Variants in MOB1B observed in about 807,000 individuals in gnomAD.
The protein encoded by MOB1B is MOB kinase activator 1B, also known as MOB1 Mps One Binder homolog B.
Under a neutral mutation model 24.4 loss-of-function variants are expected in MOB1B, and 19 were observed. The ratio of observed to expected loss-of-function variants is 0.78; its 90% CI spans 0.54 to 1.14. The LOEUF is 1.14. MOB1B is among the 50% of genes most tolerant of loss of function. The probability of loss-of-function intolerance (pLI) is 0.00; values close to 1 mark genes in which losing one functional copy is unlikely to be tolerated. For synonymous variants in MOB1B, 76 were observed against 82.1 expected (o/e 0.93, Z 0.40); for missense variants, 243 against 259.6 (o/e 0.94, Z 0.44).
At chr4:70,903,515 T>C (rs1735606129) in intron 1 of MOB1B, among the ~76,000 whole-genome samples, 1 of 152,208 alleles carries the variant, frequency 6.6e-6, no homozygotes, top group African/African-American at 2.4e-5. Flanking sequence ...AAGGCTTCGT[T>C]GTGATGCACT....
chr4:70,971,907 T>TTCCTTCTTTCCCTTCCTTTCTCCC lies in MOB1B; in HGVS notation c.275+1894_275+1917dup, dbSNP rs1490938673. On this transcript the variant is annotated intron_variant, in intron 3 of 5. Transcript: ENST00000309395. ...TGCTTCCCTCTCTTTCTCTTCTTTC[T>TTCCTTCTTTCCCTTCCTTTCTCCC]TCCTTCTTTCCCTTCCTTTCTCCCT... Among the ~76,000 whole-genome samples the TTCCTTCTTTCCCTTCCTTTCTCCC allele has an allele frequency of 1.8e-4, 28 of 151,958 alleles. No homozygotes were observed. The South Asian group carries it at 3.7e-3, about 20-fold the overall frequency.
intron 1 of MOB1B, among the ~76,000 whole-genome samples, chr4:70,929,314 GA>G (rs777571189): frequency 1.6e-3 from 245 of 151,466 alleles, no homozygotes; most frequent in Non-Finnish European, 2.3e-3. Context: ...AAGTAACTGG[GA>G]TTACAAGTGT....
At chr4:70,911,065 C>T (rs886189316) in intron 1 of MOB1B, among the ~76,000 whole-genome samples, 4 of 152,142 alleles carry the variant, frequency 2.6e-5, no homozygotes, top group Non-Finnish European at 5.9e-5. Flanking sequence ...GGATTACAGG[C>T]GTGAGCCACC....
At chr4:70,936,199 G>A (rs1321387812) in intron 1 of MOB1B, among the ~76,000 whole-genome samples, 2 of 151,606 alleles carry the variant, frequency 1.3e-5, no homozygotes, top group Non-Finnish European at 2.9e-5. Flanking sequence ...TTGCCATGTT[G>A]GCCAGGCTGT....
At chr4:70,975,404 A>G in intron 4 of MOB1B, 118 bp downstream of exon 4, 4 of 1,467,496 alleles carry the variant, frequency 2.7e-6, no homozygotes, top group Non-Finnish European at 3.6e-6. Context: ...GTGTTGATAT[A>G]TGTATATGTT....
intron 1 of MOB1B, among the ~76,000 whole-genome samples, chr4:70,921,621 G>T (rs1736443660): frequency 1.3e-5 from 2 of 151,204 alleles, no homozygotes; most frequent in South Asian, 2.1e-4. Flanking sequence ...CAATTCTCTT[G>T]CCTCAGGCTC....
rs1047034297 is a variant in MOB1B, at chr4:70,987,422, A to G, written c.*5365A>G. The G allele has an allele frequency of 3.9e-5, 6 of 152,086 alleles. No homozygotes were observed. The highest frequency in any genetic ancestry group is 2.1e-4 in the South Asian group (1 of 4,830). 9.4% of individuals were successfully genotyped at this position (152,086 alleles called of 1,614,324 possible). ...AAATACTTAATTGTGCAGGTTGTAAAAAAGATTAGTGCATTTTCATTTTAA... is the reference window on the plus strand; with the variant it reads ...AAATACTTAATTGTGCAGGTTGTAAGAAAGATTAGTGCATTTTCATTTTAA... On this transcript the variant is annotated 3_prime_UTR_variant, in exon 6 of 6. Coordinates refer to ENST00000309395, the MANE Select transcript of MOB1B (RefSeq NM_173468.4).
rs919268216 is a variant in MOB1B at position 70,984,976 on chromosome 4, C to T, written c.*2919C>T. ...TAGTCATTTGTAAATTCTAAATGGT[C>T]ACCATAAAATGTATTAGGTAGGAGA... On this transcript the variant is annotated 3_prime_UTR_variant, in exon 6 of 6. Transcript: ENST00000309395. 1.3e-5 allele frequency: 2 copies of T among 152,056 alleles called. No individual in the cohort carries two copies. The highest frequency in any genetic ancestry group is 2.9e-5 in the Non-Finnish European group (2 of 68,000). 9.4% of individuals were successfully genotyped at this position (152,056 alleles called of 1,614,324 possible). A position where few individuals can be genotyped will look rare whatever the true frequency, so the allele number is the denominator to read the frequency against.
At chr4:70,927,828 A>C (rs954171291) in intron 1 of MOB1B, among the ~76,000 whole-genome samples, 1 of 152,122 alleles carries the variant, frequency 6.6e-6, no homozygotes, top group African/African-American at 2.4e-5. Flanking sequence ...ATGGGCTGGA[A>C]GTGGTCTGCA....
In MOB1B at chr4:70,984,943, C is replaced by T. The variant is rs1039958687; in HGVS notation, c.*2886C>T. On this transcript the variant is annotated 3_prime_UTR_variant, in exon 6 of 6. Coordinates refer to ENST00000309395, the MANE Select transcript of MOB1B (RefSeq NM_173468.4). ...TTTAATTGCAGTCTCTTTCTACCTTCCCTCTGTTAGTCATTTGTAAATTCT... is the reference window on the plus strand; with the variant it reads ...TTTAATTGCAGTCTCTTTCTACCTTTCCTCTGTTAGTCATTTGTAAATTCT... 1 of 152,104 alleles carries T rather than the reference C, an allele frequency of 6.6e-6. No individual in the cohort carries two copies. The highest frequency in any genetic ancestry group is 1.5e-5 in the Non-Finnish European group (1 of 68,004). The allele number at this position is 152,104 out of a possible 1,614,324, so 9.4% of individuals were successfully genotyped here.
At chr4:70,975,095 A>G in intron 3 of MOB1B, 58 bp from the exon 4 acceptor site, 1 of 1,286,806 alleles carries the variant, frequency 7.8e-7, no homozygotes, top group Non-Finnish European at 1.0e-6. Flanking sequence ...CATAAAATAT[A>G]TACACTGTGT....
At chr4:70,975,549 T>G (rs1289505154) in intron 4 of MOB1B, 9 of 1,099,302 alleles carry the variant, frequency 8.2e-6, no homozygotes, top group Non-Finnish European at 1.0e-5. Flanking sequence ...ATAGGTTTAT[T>G]AGAAAATAAA....
chr4:70,960,626 A>T (rs1738266482), intron 2 of MOB1B, among the ~76,000 whole-genome samples: 2 of 152,170 alleles, frequency 1.3e-5, no homozygotes, highest in Non-Finnish European at 2.9e-5. Context: ...GCATTTACAC[A>T]AGAGCCATGT....
At chr4:70,902,647 C>T in intron 1 of MOB1B, 97 bp downstream of exon 1, 9 of 1,194,614 alleles carry the variant, frequency 7.5e-6, no homozygotes, top group Non-Finnish European at 8.9e-6. Context: ...TCCCGACCCT[C>T]CTGGCCCAGC....
At chr4:70,966,984 TA>T (rs1197534550) in intron 2 of MOB1B, among the ~76,000 whole-genome samples, 1 of 152,128 alleles carries the variant, frequency 6.6e-6, no homozygotes, top group Non-Finnish European at 1.5e-5. Flanking sequence ...AAATCCATAA[TA>T]AAAGGGTTAT....
At chr4:70,905,273 C>T (rs1398559822) in intron 1 of MOB1B, among the ~76,000 whole-genome samples, 1 of 151,486 alleles carries the variant, frequency 6.6e-6, no homozygotes, top group African/African-American at 2.4e-5. Flanking sequence ...GGATCTCACT[C>T]TGTCGACCAG....
At chr4:70,977,972 G>C (rs1244974442) in intron 4 of MOB1B, among the ~76,000 whole-genome samples, 2 of 152,198 alleles carry the variant, frequency 1.3e-5, no homozygotes, top group Non-Finnish European at 2.9e-5. Context: ...ATAGGTGTGA[G>C]TCACTGCCCA....
At chr4:70,967,756 C>A (rs1252737169) in intron 2 of MOB1B, among the ~76,000 whole-genome samples, 1 of 151,964 alleles carries the variant, frequency 6.6e-6, no homozygotes, top group African/African-American at 2.4e-5. Context: ...AAAATATCAA[C>A]CTAGGAACAA....
Position 70,958,914 on chromosome 4 carries a change from A to G in MOB1B, c.55A>G (p.Ile19Val), listed in dbSNP as rs1480418127. 6.2e-7 allele frequency: 1 copy of G among 1,613,650 alleles called. No individual in the cohort carries two copies. The highest frequency in any genetic ancestry group is 1.7e-5 in the Admixed American group (1 of 59,898). Residue 19 changes from isoleucine (I) to valine (V), a missense_variant, in exon 2 of 6, where the codon ATT becomes GTT. Physicochemically the swap from Ile to Val is conservative, Grantham distance 29. Transcript: ENST00000309395. Reference sequence around the variant, plus strand: ...TAAAACTTTTAAACCAAAGAAGAACATTCCAGAGGGTTCTCACCAGTATGA... The same window carrying G: ...TAAAACTTTTAAACCAAAGAAGAACGTTCCAGAGGGTTCTCACCAGTATGA... ...SSKTFKPKKN[I>V]PEGSHQYELL...
Sources: gnomAD v4.1 joint callset for allele counts (sites outside exome capture counted in the v4.1 genomes callset) on GRCh38, gnomAD v4.1.1 for gene constraint, MANE v1.5 for transcripts, NCBI Gene and HGNC (gene_info 2026-07-23, HGNC 2026-07-21) for gene names.